Variants in HMGCS1 observed in about 807,000 individuals in gnomAD.
HMGCS1 encodes hydroxymethylglutaryl-CoA synthase, cytoplasmic.
Under a neutral mutation model 52.3 loss-of-function variants are expected in HMGCS1, and 9 were observed. That is an observed-to-expected ratio of 0.17 (90% CI 0.10 to 0.30). HMGCS1 has a LOEUF of 0.30. Among genes scored for constraint, HMGCS1 ranks in the 10% least tolerant of loss-of-function variants. The pLI is 1.00. For missense variants in HMGCS1, 320 were observed against 620.9 expected, an observed-to-expected ratio of 0.52 and a Z score of 5.15; for synonymous variants, 176 against 214.4, an observed-to-expected ratio of 0.82 and a Z score of 1.57.
rs1248121922 is a variant in HMGCS1, at chr5:43,289,867, A to G, written c.*1264T>C. The G allele has an allele frequency of 6.6e-6, 1 of 152,598 alleles. No homozygotes were observed. The highest frequency in any genetic ancestry group is 1.5e-5 in the Non-Finnish European group (1 of 68,036). The allele number at this position is 152,598 out of a possible 1,614,324, so 9.5% of individuals were successfully genotyped here. On this transcript the variant is annotated 3_prime_UTR_variant, in exon 11 of 11. Coordinates refer to ENST00000325110, the MANE Select transcript of HMGCS1 (RefSeq NM_001098272.3). ...TTTAAAAAATTTAGTTCTGTACATT[A>G]GTTCCAACTATCCCTATTTTACAAT...
At position 43,294,858 on chromosome 5, in the gene HMGCS1, A is replaced by G; in HGVS notation, c.909T>C (p.Asp303=). 1 of 1,597,404 alleles carries G rather than the reference A, an allele frequency of 6.3e-7. No individual in the cohort carries two copies. Among genetic ancestry groups the G allele is most frequent in the Non-Finnish European group, 8.6e-7 (1 of 1,169,392 alleles). Residue 303 remains aspartate (D), a synonymous_variant, in exon 7 of 11, where the codon GAT becomes GAC. Transcript: ENST00000325110. ...CAAAGTAGGTGTCTTCTAATTTAAC[A>G]TCCCTGAAAGATTTATTTTACAGTT... ...SIYSGLEAFG[D]VKLEDTYFDR...
At chr5:43,304,669 T>G (rs892468576) in intron 2 of HMGCS1, among the ~76,000 whole-genome samples, 2 of 152,240 alleles carry the variant, frequency 1.3e-5, no homozygotes. Flanking sequence ...CATGTTTCAT[T>G]TGAAAACAAA....
At chr5:43,296,252 G>A (rs1421882093) in intron 5 of HMGCS1, among the ~76,000 whole-genome samples, 5 of 152,068 alleles carry the variant, frequency 3.3e-5, no homozygotes, top group Non-Finnish European at 5.9e-5. Context: ...ATAACTTGCA[G>A]CAAGGGTAAG....
At position 43,290,744 on chromosome 5, in the gene HMGCS1, C is replaced by G. The variant is rs972961413; in HGVS notation, c.*387G>C. 1 of 159,638 alleles carries G rather than the reference C, an allele frequency of 6.3e-6. No homozygotes were observed. The highest frequency in any genetic ancestry group is 1.8e-4 in the East Asian group (1 of 5,574). The allele number at this position is 159,638 out of a possible 1,614,324, so 9.9% of individuals were successfully genotyped here. A position where few individuals can be genotyped will look rare whatever the true frequency, so the allele number is the denominator to read the frequency against. The stretch of plus-strand genomic sequence containing the variant: ...TTCTGTAATCTTGTTGTTCAAAGTA[C>G]AAAATTCTTACATGTTAAAAAATTT... On this transcript the variant is annotated 3_prime_UTR_variant, in exon 11 of 11. Coordinates refer to ENST00000325110, the MANE Select transcript of HMGCS1 (RefSeq NM_001098272.3).
At chr5:43,311,025 G>T (rs185657257) in intron 1 of HMGCS1, among the ~76,000 whole-genome samples, 3 of 152,150 alleles carry the variant, frequency 2.0e-5, no homozygotes, top group Non-Finnish European at 4.4e-5. Context: ...AGGATGAAGA[G>T]ATTAAGAGTC....
At chr5:43,294,534 A>G (rs2111646244) in intron 7 of HMGCS1, 157 bp downstream of exon 7, 1 of 542,022 alleles carries the variant, frequency 1.8e-6, no homozygotes, top group East Asian at 3.0e-5. Flanking sequence ...GCCTCAACCC[A>G]TACATCTTTC....
rs1223273628 is a variant in HMGCS1, at chr5:43,287,567, G to A, written c.*3564C>T. 1.3e-5 allele frequency: 2 copies of A among 152,062 alleles called. No individual in the cohort carries two copies. The highest frequency in any genetic ancestry group is 4.8e-5 in the African/African-American group (2 of 41,370). The allele number at this position is 152,062 out of a possible 1,614,324, so 9.4% of individuals were successfully genotyped here. ...GAAAGCCAATATAAGGATGGTTATT[G>A]CCAAACCCGCCACAGAAGTCTCCTC... On this transcript the variant is annotated 3_prime_UTR_variant, in exon 11 of 11. Transcript: ENST00000325110.
intron 2 of HMGCS1, among the ~76,000 whole-genome samples, chr5:43,307,485 G>A (rs1443186199): frequency 6.6e-6 from 1 of 152,124 alleles, no homozygotes; most frequent in Non-Finnish European, 1.5e-5. Context: ...TTCTGATTAA[G>A]TAGTCCATGT....
intron 5 of HMGCS1, 57 bp downstream of exon 5, chr5:43,296,945 A>T (rs1754058163): frequency 1.2e-5 from 16 of 1,344,252 alleles, no homozygotes; most frequent in Non-Finnish European, 1.0e-6. Flanking sequence ...AAAGATACCT[A>T]GTACATTAGA....
At position 43,288,808 on chromosome 5, in the gene HMGCS1, A is replaced by G. The variant is rs575876017; in HGVS notation, c.*2323T>C. On this transcript the variant is annotated 3_prime_UTR_variant, in exon 11 of 11. Coordinates refer to ENST00000325110, the MANE Select transcript of HMGCS1 (RefSeq NM_001098272.3). ...AATATGAGCTGATCAGTATTAGAAA[A>G]TATATAATTTGGTTTATTTCCTAAT... 7 of 152,320 alleles carry G rather than the reference A, an allele frequency of 4.6e-5. No homozygotes were observed. The South Asian group carries it at 1.5e-3, about 32-fold the overall frequency. The allele number at this position is 152,320 out of a possible 1,614,324, so 9.4% of individuals were successfully genotyped here.
chr5:43,291,896 A>G lies in HMGCS1; in HGVS notation c.1473+578T>C, dbSNP rs1005510925. Among the ~76,000 whole-genome samples, 4 of 152,136 alleles carry G rather than the reference A, an allele frequency of 2.6e-5. 1 individual carries two copies. The highest frequency in any genetic ancestry group is 9.7e-5 in the African/African-American group (4 of 41,426). On this transcript the variant is annotated intron_variant, in intron 10 of 10. Coordinates refer to ENST00000325110, the MANE Select transcript of HMGCS1 (RefSeq NM_001098272.3). ...CTTGTCCCTCTACTCCATCTCTCACAAAGACACACACCACAAATGAACCTT... is the reference window on the plus strand; with the variant it reads ...CTTGTCCCTCTACTCCATCTCTCACGAAGACACACACCACAAATGAACCTT...
chr5:43,312,176 G>A (rs551395214), intron 1 of HMGCS1, among the ~76,000 whole-genome samples: 18 of 152,288 alleles, frequency 1.2e-4, no homozygotes, highest in Middle Eastern at 3.4e-3. Context: ...ATCTCAGAAG[G>A]AAAAATCTGT....
At chr5:43,296,031 C>G (rs911137444) in intron 5 of HMGCS1, 114 bp from the exon 6 acceptor site, 1 of 692,396 alleles carries the variant, frequency 1.4e-6, no homozygotes, top group Non-Finnish European at 2.5e-6. Context: ...ACCACAAATA[C>G]ACTGTATAAT....
chr5:43,310,481 T>C (rs1395136878), intron 1 of HMGCS1, among the ~76,000 whole-genome samples: 1 of 152,212 alleles, frequency 6.6e-6, no homozygotes, highest in Non-Finnish European at 1.5e-5. Context: ...TTTTGATTTT[T>C]TGAAATCCCT....
At chr5:43,312,504 G>A (rs1188567263) in intron 1 of HMGCS1, among the ~76,000 whole-genome samples, 1 of 152,210 alleles carries the variant, frequency 6.6e-6, no homozygotes, top group Non-Finnish European at 1.5e-5. Flanking sequence ...GTCAAGGCCA[G>A]ACGTGGGTTT....
At chr5:43,294,488 A>C in intron 7 of HMGCS1, 1 of 499,118 alleles carries the variant, frequency 2.0e-6, no homozygotes, top group Non-Finnish European at 3.5e-6. Context: ...CAGGAAAGCC[A>C]GTATGAAATT....
At chr5:43,299,516 G>T (rs1254570451) in intron 2 of HMGCS1, among the ~76,000 whole-genome samples, 1 of 152,036 alleles carries the variant, frequency 6.6e-6, no homozygotes, top group Non-Finnish European at 1.5e-5. Context: ...CGGGCGTGGT[G>T]GCAGATGCCT....
intron 2 of HMGCS1, among the ~76,000 whole-genome samples, chr5:43,303,799 CA>C (rs1345255992): frequency 1.3e-5 from 2 of 152,170 alleles, no homozygotes; most frequent in African/African-American, 4.8e-5. Flanking sequence ...CATTCAGGGA[CA>C]GGGGCATAAA....
chr5:43,292,789 A>G, intron 9 of HMGCS1, 59 bp downstream of exon 9: 2 of 1,560,566 alleles, frequency 1.3e-6, no homozygotes, highest in Non-Finnish European at 1.8e-6. Flanking sequence ...TATATGTAGC[A>G]TCCTTAATGA....
Sources: allele counts gnomAD v4.1 joint callset (sites outside exome capture counted in the v4.1 genomes callset), GRCh38; gene constraint gnomAD v4.1.1; transcripts MANE v1.5; gene names NCBI Gene and HGNC (gene_info 2026-07-23, HGNC 2026-07-21).